Variants in PTCD2 observed in about 807,000 individuals in gnomAD.
PTCD2 encodes pentatricopeptide repeat-containing protein 2, mitochondrial.
Under a neutral mutation model 42.6 loss-of-function variants are expected in PTCD2, and 31 were observed. That is an observed-to-expected ratio of 0.73 (90% confidence interval 0.55 to 0.98). PTCD2 has a LOEUF of 0.98. Among genes scored for constraint, PTCD2 ranks in the 50% least tolerant of loss-of-function variants. PTCD2 has a pLI of 0.00. For missense variants in PTCD2, 476 were observed against 454.8 expected (o/e 1.05, Z -0.42); for synonymous variants, 183 against 170.9 (o/e 1.07, Z -0.55).
intron 1 of PTCD2, among the ~76,000 whole-genome samples, chr5:72,321,818 G>GC (rs1554063056): frequency 6.7e-6 from 1 of 149,974 alleles, no homozygotes; most frequent in African/African-American, 2.4e-5. Context: ...AATGTTATTA[G>GC]TTTTTTTTTT....
Position 72,322,161 on chromosome 5 carries a change from CT to C in PTCD2, c.128-10del. On this transcript the variant is annotated splice_polypyrimidine_tract_variant and intron_variant, in intron 1 of 9. Coordinates refer to ENST00000380639, the MANE Select transcript of PTCD2 (RefSeq NM_024754.5). ...AAAATGACTTTACTTTTTTCTTTCT[CT>C]GATTTTTAGCTAAAAGATACCTACT... 12 of 1,445,408 alleles carry C rather than the reference CT, an allele frequency of 8.3e-6. 1 individual carries two copies. Among genetic ancestry groups the C allele is most frequent in the African/African-American group, 2.8e-5 (2 of 70,886 alleles). 89.5% of individuals were successfully genotyped at this position (1,445,408 alleles called of 1,614,324 possible).
chr5:72,346,135 G>C (rs1752345642), intron 8 of PTCD2, among the ~76,000 whole-genome samples: 1 of 152,164 alleles, frequency 6.6e-6, no homozygotes, highest in Non-Finnish European at 1.5e-5. Context: ...TGAGAGAAAG[G>C]TGAGCCCAAG....
rs1753180350 is a variant in PTCD2 at position 72,365,494 on chromosome 5, A to G, written c.*7067A>G. ...AACCCCTGCAAAGTGACTGCCCTAC[A>G]ACTCAATTTGATTTTGAATCCGCAA... On this transcript the variant is annotated 3_prime_UTR_variant, in exon 10 of 10. Transcript: ENST00000380639. 6.6e-6 allele frequency: 1 copy of G among 152,208 alleles called. No individual in the cohort carries two copies. The highest frequency in any genetic ancestry group is 1.5e-5 in the Non-Finnish European group (1 of 68,046). The allele number at this position is 152,208 out of a possible 1,614,324, so 9.4% of individuals were successfully genotyped here.
rs1031349113 is a variant in PTCD2, at chr5:72,363,972, A to G, written c.*5545A>G. On this transcript the variant is annotated 3_prime_UTR_variant, in exon 10 of 10. Coordinates refer to ENST00000380639, the MANE Select transcript of PTCD2 (RefSeq NM_024754.5). ...AAAAAAGATTACAGCGGCAAAAGCT[A>G]TCATCAGTAATATTTGATATGCATA... The G allele has an allele frequency of 6.6e-6, 1 of 152,240 alleles. No homozygotes were observed. Among genetic ancestry groups the G allele is most frequent in the African/African-American group, 2.4e-5 (1 of 41,464 alleles). 9.4% of individuals were successfully genotyped at this position (152,240 alleles called of 1,614,324 possible).
Position 72,335,893 on chromosome 5 carries a change from T to A in PTCD2, c.639+8T>A, listed in dbSNP as rs770151161. ...GCAATTTGCTACAAACTGGTAAGAC[T>A]CTTTCCTCTTAACTTTGAGAGCATT... On this transcript the variant is annotated splice_region_variant and intron_variant, in intron 6 of 9. Transcript: ENST00000380639. 2.6e-6 allele frequency: 4 copies of A among 1,554,348 alleles called. No individual in the cohort carries two copies. Among genetic ancestry groups the A allele is most frequent in the Non-Finnish European group, 3.6e-6 (4 of 1,125,744 alleles).
At chr5:72,353,508 G>GT (rs1284107784) in intron 9 of PTCD2, among the ~76,000 whole-genome samples, 1 of 152,052 alleles carries the variant, frequency 6.6e-6, no homozygotes, top group Non-Finnish European at 1.5e-5. Context: ...ATATCACTTT[G>GT]TTTTTTCTGT....
At chr5:72,340,700 T>C (rs751117976) in intron 7 of PTCD2, among the ~76,000 whole-genome samples, 12 of 152,182 alleles carry the variant, frequency 7.9e-5, no homozygotes, top group Non-Finnish European at 1.2e-4. Flanking sequence ...GCCTGTTGTT[T>C]TTGTACTTGA....
chr5:72,349,747 C>T (rs73102442), intron 8 of PTCD2, among the ~76,000 whole-genome samples: 1,829 of 152,214 alleles, frequency 0.012, 51 homozygotes, highest in African/African-American at 0.042. Flanking sequence ...ATGTGCTGTA[C>T]CCTACTTTCA....
chr5:72,353,463 A>G (rs1752718540), intron 9 of PTCD2, among the ~76,000 whole-genome samples: 1 of 152,236 alleles, frequency 6.6e-6, no homozygotes, highest in South Asian at 2.1e-4. Context: ...GTTTTTTTCA[A>G]GTTACTGTGA....
intron 7 of PTCD2, among the ~76,000 whole-genome samples, chr5:72,339,759 T>C (rs1751959039): frequency 6.7e-6 from 1 of 148,934 alleles, no homozygotes; most frequent in Non-Finnish European, 1.5e-5. Flanking sequence ...AGATACATCA[T>C]CACTGTTACA....
chr5:72,339,835 G>T (rs1366732090), intron 7 of PTCD2, among the ~76,000 whole-genome samples: 1 of 151,964 alleles, frequency 6.6e-6, no homozygotes, highest in East Asian at 1.9e-4. Context: ...TACTGCTTTT[G>T]CCCTGAGTTC....
chr5:72,324,243 G>A (rs1361484031), intron 2 of PTCD2, among the ~76,000 whole-genome samples: 1 of 152,120 alleles, frequency 6.6e-6, no homozygotes, highest in Non-Finnish European at 1.5e-5. Flanking sequence ...GTTCTGAAAG[G>A]CAATTAATAT....
At chr5:72,329,936 C>T (rs1580147486) in intron 3 of PTCD2, among the ~76,000 whole-genome samples, 1 of 143,308 alleles carries the variant, frequency 7.0e-6, no homozygotes, top group Non-Finnish European at 1.5e-5. Context: ...TTTATAACTT[C>T]TTTTTTTTTT....
At chr5:72,323,143 C>G (rs191869934) in intron 2 of PTCD2, among the ~76,000 whole-genome samples, 11 of 151,890 alleles carry the variant, frequency 7.2e-5, no homozygotes, top group South Asian at 2.1e-4. Flanking sequence ...GAGTGAGACC[C>G]TGTCTCAAAA....
Position 72,343,022 on chromosome 5 carries a change from T to G in PTCD2, c.814T>G (p.Cys272Gly), listed in dbSNP as rs751747211. 8.7e-5 allele frequency: 137 copies of G among 1,582,150 alleles called. No homozygotes were observed. Among genetic ancestry groups the G allele is most frequent in the Non-Finnish European group, 1.1e-4 (133 of 1,160,502 alleles). ...AATCATGAATCCAGAAAGCATAGCCTGCATTAATTTAAATGTAAGTGATTT... is the reference window on the plus strand; with the variant it reads ...AATCATGAATCCAGAAAGCATAGCCGGCATTAATTTAAATGTAAGTGATTT... ...SQIMNPESIA[C>G]INLNIIIHIQ... Residue 272 changes from cysteine (C) to glycine (G), a missense_variant, in exon 8 of 10, where the codon TGC (cysteine) becomes GGC (glycine). Cys to Gly is a radical substitution (Grantham distance 159). Transcript: ENST00000380639.
chr5:72,331,309 G>T lies in PTCD2; in HGVS notation c.402G>T (p.Pro134=), dbSNP rs910206106. 2 of 1,613,980 alleles carry T rather than the reference G, an allele frequency of 1.2e-6. No homozygotes were observed. The highest frequency in any genetic ancestry group is 1.3e-5 in the African/African-American group (1 of 75,024). The change falls in exon 4 of 10, where the codon CCG becomes CCT. Residue 134 remains proline (P), a synonymous_variant. Coordinates refer to ENST00000380639, the MANE Select transcript of PTCD2 (RefSeq NM_024754.5). ...NFTLGEYKFG[P]LFVRLCYELD... ...CTTTGGGGGAGTATAAATTTGGACC[G>T]CTTTTTGTGAGGTTGTGTTACGAGT...
At position 72,338,698 on chromosome 5, in the gene PTCD2, G is replaced by C. The variant is rs771594557; in HGVS notation, c.716G>C (p.Arg239Thr). Reference sequence around the variant, plus strand: ...CTCAAAGGAGAAATTCTCTCCAGGAGAGCATCCTGTTTCGCTGTGGCATTA... The same window carrying C: ...CTCAAAGGAGAAATTCTCTCCAGGACAGCATCCTGTTTCGCTGTGGCATTA... ...ALLKGEILSR[R>T]ASCFAVALAL... The change falls in exon 7 of 10, where the codon AGA becomes ACA. Residue 239 changes from arginine (R) to threonine (T), a missense_variant. Arg to Thr is a moderately conservative substitution (Grantham distance 71, BLOSUM62 -1). Coordinates refer to ENST00000380639, the MANE Select transcript of PTCD2 (RefSeq NM_024754.5). 28 of 1,612,668 alleles carry C rather than the reference G, an allele frequency of 1.7e-5. No homozygotes were observed. The Admixed American group carries it at 4.5e-4, about 26-fold the overall frequency.
intron 2 of PTCD2, 92 bp downstream of exon 2, chr5:72,322,356 A>AT: frequency 1.3e-6 from 1 of 775,994 alleles, no homozygotes; most frequent in South Asian, 1.5e-5. Context: ...CAGTGACTTT[A>AT]TTATGCCTTA....
rs1193220430 is a variant in PTCD2, at chr5:72,366,855, G to C, written c.*8428G>C. ...TGAGCACACATGCACACACACATTA[G>C]ATGTTTTGTGAGAAAACATACACTC... On this transcript the variant is annotated 3_prime_UTR_variant, in exon 10 of 10. Transcript: ENST00000380639. 6.6e-6 allele frequency: 1 copy of C among 152,230 alleles called. No homozygotes were observed. Among genetic ancestry groups the C allele is most frequent in the African/African-American group, 2.4e-5 (1 of 41,466 alleles). 9.4% of individuals were successfully genotyped at this position (152,230 alleles called of 1,614,324 possible). A position where few individuals can be genotyped will look rare whatever the true frequency, so the allele number is the denominator to read the frequency against.
Sources: gnomAD v4.1 joint callset for allele counts (sites outside exome capture counted in the v4.1 genomes callset) on GRCh38, gnomAD v4.1.1 for gene constraint, MANE v1.5 for transcripts, NCBI Gene and HGNC (gene_info 2026-07-23, HGNC 2026-07-21) for gene names.